Variants in C2 observed in about 807,000 individuals in gnomAD.
C2 encodes the protein C3/C5 convertase.
Under a neutral mutation model 85.2 loss-of-function variants are expected in C2, and 64 were observed. The observed-to-expected ratio is 0.75, with a 90% CI of 0.61 to 0.92. The LOEUF is 0.92. C2 is among the 40% of genes least tolerant of loss of function. The pLI, the probability that C2 is intolerant of heterozygous loss-of-function variation, is 0.00. For missense variants in C2, 820 were observed against 971.6 expected, an observed-to-expected ratio of 0.84 and a Z score of 2.07; for synonymous variants, 311 against 370.8, an observed-to-expected ratio of 0.84 and a Z score of 1.85.
chr6:31,917,514 A>G (rs1465458012), upstream of C2, among the ~76,000 whole-genome samples: 1 of 152,172 alleles, frequency 6.6e-6, no homozygotes, highest in East Asian at 1.9e-4. Flanking sequence ...GGGTTAAAAA[A>G]TTACCTAATT....
intron 9 of C2, among the ~76,000 whole-genome samples, chr6:31,940,811 C>T (rs1351447531): frequency 6.6e-6 from 1 of 152,260 alleles, no homozygotes; most frequent in Non-Finnish European, 1.5e-5. Flanking sequence ...CGATCGTTGT[C>T]TAGCTCCAAC....
At chr6:31,913,827 A>G (rs923135535) in intron 1 of C2, among the ~76,000 whole-genome samples, 1 of 151,890 alleles carries the variant, frequency 6.6e-6, no homozygotes, top group African/African-American at 2.4e-5. Context: ...TTTAGTAGAG[A>G]CAGGATTTCA....
rs780236227 is a variant in C2 at position 31,943,599 on chromosome 6, C to A, written c.1568-45C>A. ...CTACCACCTCACCCAGCCTCTGGCCCCTGCAGGAGCCCTGGTCTAGCCTAA... is the reference window on the plus strand; with the variant it reads ...CTACCACCTCACCCAGCCTCTGGCCACTGCAGGAGCCCTGGTCTAGCCTAA... On this transcript the variant is annotated intron_variant, in intron 12 of 17. Transcript: ENST00000299367. The surrounding 1 kb of genome is among the most constrained non-coding windows in gnomAD (Gnocchi z 6.4). 4 of 1,611,470 alleles carry A rather than the reference C, an allele frequency of 2.5e-6. No individual in the cohort carries two copies. In the Admixed American group the frequency reaches 5.0e-5, roughly 20 times the overall value.
chr6:31,944,793 G>C lies in C2; in HGVS notation c.1969G>C (p.Glu657Gln). ...TMFPNLTDVREVVTDQFLCSG... is the reference protein window; with the variant it reads ...TMFPNLTDVRQVVTDQFLCSG... The stretch of plus-strand genomic sequence containing the variant: ...GTTCCCCAACTTGACAGATGTCAGG[G>C]AGGTGGTGACAGACCAGTTCCTATG... The change falls in exon 16 of 18, where the codon GAG becomes CAG. Residue 657 changes from glutamate to glutamine, a missense_variant. Coordinates refer to ENST00000299367, the MANE Select transcript of C2 (RefSeq NM_000063.6). This position sits in a 1 kb window ranked among gnomAD's most constrained non-coding sequence, Gnocchi z 5.1. 6.2e-7 allele frequency: 1 copy of C among 1,613,106 alleles called. No individual in the cohort carries two copies.
chr6:31,909,741 C>A (rs1767962989), intron 1 of C2, among the ~76,000 whole-genome samples: 1 of 151,818 alleles, frequency 6.6e-6, no homozygotes, highest in Non-Finnish European at 1.5e-5. Flanking sequence ...ACTGTGCCCA[C>A]CCTATATGTT....
At chr6:31,925,544 C>T (rs1001195255), upstream of C2, among the ~76,000 whole-genome samples, 4 of 152,144 alleles carry the variant, frequency 2.6e-5, no homozygotes, top group African/African-American at 7.2e-5. Context: ...CCCCCTGCCT[C>T]GGCCTCCCAA....
upstream of C2, chr6:31,900,771 G>A (rs1235284395): frequency 6.3e-7 from 1 of 1,589,612 alleles, no homozygotes; most frequent in Non-Finnish European, 8.6e-7. This position sits in a 1 kb window ranked among gnomAD's most constrained non-coding sequence, Gnocchi z 9.7. Context: ...AGCTTCACTG[G>A]CCGCAGGAGT....
At chr6:31,906,205 A>G (rs1767701059) in intron 1 of C2, among the ~76,000 whole-genome samples, 1 of 151,962 alleles carries the variant, frequency 6.6e-6, no homozygotes, top group South Asian at 2.1e-4. Context: ...ATGTTTTGGC[A>G]ATGTTGGAAG....
At chr6:31,915,213 T>C (rs1182655099), upstream of C2, among the ~76,000 whole-genome samples, 2 of 152,220 alleles carry the variant, frequency 1.3e-5, no homozygotes, top group African/African-American at 4.8e-5. Context: ...CAAATCGCCT[T>C]ACAAGCTGTA....
intron 3 of C2, 72 bp from the exon 4 acceptor site, chr6:31,933,538 C>T: frequency 1.3e-6 from 2 of 1,551,480 alleles, no homozygotes; most frequent in Non-Finnish European, 1.8e-6. Flanking sequence ...CTGCTGGCAA[C>T]TGAGGCCGCT....
upstream of C2, among the ~76,000 whole-genome samples, chr6:31,916,869 C>CAAAAA (rs9257073): frequency 1.4e-4 from 11 of 78,824 alleles, no homozygotes; most frequent in South Asian, 4.9e-4. Context: ...TCCATCTCAA[C>CAAAAA]AAAAAAAAAA....
At chr6:31,917,908 A>G (rs1398273808), upstream of C2, among the ~76,000 whole-genome samples, 1 of 152,156 alleles carries the variant, frequency 6.6e-6, no homozygotes, top group Non-Finnish European at 1.5e-5. Flanking sequence ...TCTATCTGAA[A>G]AAAAGAGAAA....
At chr6:31,931,689 C>T (rs1173853252) in intron 3 of C2, among the ~76,000 whole-genome samples, 7 of 152,138 alleles carry the variant, frequency 4.6e-5, no homozygotes, top group East Asian at 3.9e-4. Context: ...GGCAACCATC[C>T]GATTTCTCAA....
chr6:31,912,504 C>G (rs1768182075), intron 1 of C2, among the ~76,000 whole-genome samples: 1 of 152,094 alleles, frequency 6.6e-6, no homozygotes, highest in Admixed American at 6.6e-5. Flanking sequence ...CCTTCTAGGC[C>G]TTTATCTCAT....
At chr6:31,908,366 T>G (rs1348125058) in intron 1 of C2, among the ~76,000 whole-genome samples, 1 of 151,584 alleles carries the variant, frequency 6.6e-6, no homozygotes, top group Non-Finnish European at 1.5e-5. Context: ...TTTAAGAAAT[T>G]GTTGGCTGGG....
At position 31,943,148 on chromosome 6, in the gene C2, G is replaced by T; in HGVS notation, c.1360+49G>T. On this transcript the variant is annotated intron_variant, in intron 10 of 17. Coordinates refer to ENST00000299367, the MANE Select transcript of C2 (RefSeq NM_000063.6). The surrounding 1 kb of genome is among the most constrained non-coding windows in gnomAD (Gnocchi z 6.4). ...GTGTGGGGAGGATGGTGAGGAGCCC[G>T]CCAGAGGCCCGTGTTGGGAACCTGG... The T allele has an allele frequency of 1.9e-6, 3 of 1,612,712 alleles. No homozygotes were observed. Among genetic ancestry groups the T allele is most frequent in the East Asian group, 2.2e-5 (1 of 44,874 alleles).
At chr6:31,909,203 A>G (rs898161829) in intron 1 of C2, among the ~76,000 whole-genome samples, 2 of 151,870 alleles carry the variant, frequency 1.3e-5, no homozygotes, top group Non-Finnish European at 2.9e-5. Flanking sequence ...CTTATACTAG[A>G]ATTTGTTTGT....
chr6:31,928,277 T>C, intron 2 of C2, 113 bp downstream of exon 2: 1 of 929,942 alleles, frequency 1.1e-6, no homozygotes, highest in Non-Finnish European at 1.7e-6. Flanking sequence ...AAAGTTGCTT[T>C]TGCAGAGGGC....
chr6:31,925,479 G>C (rs908010545), upstream of C2, among the ~76,000 whole-genome samples: 2 of 152,112 alleles, frequency 1.3e-5, no homozygotes, highest in African/African-American at 2.4e-5. Context: ...TTTTAGTAGA[G>C]ATGGGGTTTC....
Sources: allele counts gnomAD v4.1 joint callset (sites outside exome capture counted in the v4.1 genomes callset), GRCh38; gene constraint gnomAD v4.1.1; non-coding constraint Gnocchi (gnomAD v3.1); transcripts MANE v1.5; gene names NCBI Gene and HGNC (gene_info 2026-07-23, HGNC 2026-07-21).